The following TCF7L2 variants were observed in gnomAD, a reference collection of about 807,000 sequenced individuals.
TCF7L2 encodes transcription factor 7-like 2.
A neutral mutation model predicts 77.9 loss-of-function variants in TCF7L2; 23 were observed. That is an observed-to-expected ratio of 0.30 (90% CI 0.21 to 0.42). The LOEUF (loss-of-function observed/expected upper bound fraction) is 0.42, where lower values mean the gene tolerates loss of function less well. Among genes scored for constraint, TCF7L2 ranks in the 10% least tolerant of loss-of-function variants. TCF7L2 has a pLI of 1.00. For missense variants in TCF7L2, 654 were observed against 793.1 expected (o/e 0.82, Z 2.11); for synonymous variants, 413 against 340.2 (o/e 1.21, Z -2.36).
chr10:112,990,565 G>GGCAT (rs2042348313), intron 4 of TCF7L2, among the ~76,000 whole-genome samples: 1 of 151,832 alleles, frequency 6.6e-6, no homozygotes, highest in South Asian at 2.1e-4. Flanking sequence ...AATCTAGCTG[G>GGCAT]GCATGGTGGT....
Position 112,950,471 on chromosome 10 carries a change from T to C in TCF7L2, c.-286T>C, listed in dbSNP as rs1164019298. The C allele has an allele frequency of 1.4e-5, 3 of 215,366 alleles. No homozygotes were observed. Among genetic ancestry groups the C allele is most frequent in the Admixed American group, 1.2e-4 (2 of 16,180 alleles). 13.3% of individuals were successfully genotyped at this position (215,366 alleles called of 1,614,324 possible). On this transcript the variant is annotated 5_prime_UTR_variant, in exon 1 of 14. Coordinates refer to ENST00000627217, the MANE Select transcript of TCF7L2 (RefSeq NM_001146274.2). ...GGTGTTTTTTTTTTTTTTACCCCCCTTTTTTATTTATTATTTTTTTGCACA... is the reference window on the plus strand; with the variant it reads ...GGTGTTTTTTTTTTTTTTACCCCCCCTTTTTATTTATTATTTTTTTGCACA...
At chr10:113,163,009 TAAAAAA>T (rs113088460) in intron 13 of TCF7L2, among the ~76,000 whole-genome samples, 1 of 132,058 alleles carries the variant, frequency 7.6e-6, no homozygotes, top group Non-Finnish European at 1.6e-5. Flanking sequence ...AAAATGTACT[TAAAAAA>T]AAAAAAAAAG....
At chr10:112,964,044 C>T (rs2035932786) in intron 3 of TCF7L2, among the ~76,000 whole-genome samples, 1 of 152,114 alleles carries the variant, frequency 6.6e-6, no homozygotes, top group South Asian at 2.1e-4. Context: ...CATTTGTTTT[C>T]CCAGAAATAG....
At chr10:112,953,907 T>G (rs182988381) in intron 3 of TCF7L2, among the ~76,000 whole-genome samples, 2 of 152,352 alleles carry the variant, frequency 1.3e-5, no homozygotes, top group East Asian at 3.9e-4. Flanking sequence ...AGTACTTACA[T>G]GTCAAACACC....
intron 4 of TCF7L2, among the ~76,000 whole-genome samples, chr10:113,012,901 C>T (rs2046695523): frequency 6.6e-6 from 1 of 152,128 alleles, no homozygotes; most frequent in African/African-American, 2.4e-5. Context: ...ACTGAGGCGC[C>T]CCACACATCC....
intron 5 of TCF7L2, among the ~76,000 whole-genome samples, chr10:113,092,556 C>T (rs1413169721): frequency 2.0e-5 from 3 of 152,114 alleles, no homozygotes; most frequent in Non-Finnish European, 4.4e-5. Context: ...CATGGAAATT[C>T]ACATGTAACA....
chr10:113,151,913 G>T lies in TCF7L2; in HGVS notation c.1161+29G>T, dbSNP rs3902056. On this transcript the variant is annotated intron_variant, in intron 10 of 13. Coordinates refer to ENST00000627217, the MANE Select transcript of TCF7L2 (RefSeq NM_001146274.2). The surrounding 1 kb of genome is among the most constrained non-coding windows in gnomAD (Gnocchi z 5.2). Reference sequence around the variant, plus strand: ...GGTGACGCCCTTCTCAGGGAGAAGCGGGGGGCGGGTGGTGAGGGACCAGAG... The same window carrying T: ...GGTGACGCCCTTCTCAGGGAGAAGCTGGGGGCGGGTGGTGAGGGACCAGAG... 2.3e-4 allele frequency: 369 copies of T among 1,579,254 alleles called. 1 individual carries two copies. In the African/African-American group the frequency reaches 4.6e-3, roughly 20 times the overall value.
At chr10:113,068,086 TG>T (rs546104365) in intron 5 of TCF7L2, among the ~76,000 whole-genome samples, 121 of 152,306 alleles carry the variant, frequency 7.9e-4, no homozygotes, top group African/African-American at 2.7e-3. Flanking sequence ...AAAACAGTGT[TG>T]TTTTTTAAAG....
chr10:112,965,787 T>C (rs866143252), intron 4 of TCF7L2, among the ~76,000 whole-genome samples: 9 of 152,106 alleles, frequency 5.9e-5, no homozygotes, highest in African/African-American at 9.7e-5. Flanking sequence ...AACGGAATTA[T>C]TCCGCCAGTG....
intron 4 of TCF7L2, among the ~76,000 whole-genome samples, chr10:112,967,017 G>A (rs1370409900): frequency 2.6e-5 from 4 of 151,238 alleles, no homozygotes; most frequent in Non-Finnish European, 2.9e-5. Flanking sequence ...GCATCTAGCT[G>A]TAATTTTAGT....
chr10:113,160,816 C>A (rs1479925950), intron 13 of TCF7L2: 1 of 856,268 alleles, frequency 1.2e-6, no homozygotes, highest in East Asian at 3.0e-5. Context: ...GACTAATGAT[C>A]CTCATTCTTC....
intron 3 of TCF7L2, among the ~76,000 whole-genome samples, chr10:112,961,159 A>G (rs2035003673): frequency 6.7e-6 from 1 of 150,006 alleles, no homozygotes; most frequent in Non-Finnish European, 1.5e-5. Context: ...GATTACAGGA[A>G]TGCGCCACCA....
chr10:113,002,690 TA>T (rs2044713964), intron 4 of TCF7L2, among the ~76,000 whole-genome samples: 1 of 152,186 alleles, frequency 6.6e-6, no homozygotes, highest in African/African-American at 2.4e-5. Context: ...AAATAGCCCT[TA>T]GAACTAGCAG....
chr10:113,030,181 T>A (rs1014220156), intron 4 of TCF7L2, among the ~76,000 whole-genome samples: 7 of 152,238 alleles, frequency 4.6e-5, no homozygotes, highest in Admixed American at 2.6e-4. Flanking sequence ...CCATGAAACT[T>A]TCTTCATCTG....
At chr10:113,148,978 A>G (rs1198617131) in intron 8 of TCF7L2, among the ~76,000 whole-genome samples, 1 of 152,172 alleles carries the variant, frequency 6.6e-6, no homozygotes, top group Admixed American at 6.5e-5. Flanking sequence ...ACACTCACAC[A>G]TGCAGTGTTT....
At chr10:113,046,383 C>G (rs1353369558) in intron 5 of TCF7L2, among the ~76,000 whole-genome samples, 1 of 152,086 alleles carries the variant, frequency 6.6e-6, no homozygotes, top group East Asian at 1.9e-4. Context: ...TTGGACACTT[C>G]CAGAGATGGG....
chr10:113,053,444 A>G (rs2054817903), intron 5 of TCF7L2, among the ~76,000 whole-genome samples: 1 of 152,196 alleles, frequency 6.6e-6, no homozygotes, highest in Non-Finnish European at 1.5e-5. Flanking sequence ...GTGTGATACC[A>G]GAGGTCAGAA....
intron 5 of TCF7L2, among the ~76,000 whole-genome samples, chr10:113,098,685 A>G (rs2061322001): frequency 6.6e-6 from 1 of 152,222 alleles, no homozygotes. Flanking sequence ...CAGCCTGGGC[A>G]ACAAAGTGAG....
chr10:113,126,864 C>T (rs942253252), intron 5 of TCF7L2: 2 of 986,896 alleles, frequency 2.0e-6, no homozygotes, highest in Middle Eastern at 1.0e-3. Flanking sequence ...AGGACAGCGC[C>T]GCAACCCTCT....
Sources: gnomAD v4.1 joint callset for allele counts (sites outside exome capture counted in the v4.1 genomes callset) on GRCh38, gnomAD v4.1.1 for gene constraint, Gnocchi (gnomAD v3.1) non-coding constraint, MANE v1.5 for transcripts, NCBI Gene and HGNC (gene_info 2026-07-23, HGNC 2026-07-21) for gene names.